Variants in NIBAN1 observed in about 807,000 individuals in gnomAD.
NIBAN1 encodes the protein niban apoptosis regulator 1, also known as protein Niban 1.
NIBAN1 carries 81 observed loss-of-function variants against 75.1 expected under a neutral mutation model. The ratio of observed to expected loss-of-function variants is 1.08; its 90% CI spans 0.90 to 1.30. The LOEUF is 1.30. Ranked by LOEUF, NIBAN1 falls within the 50% of genes most tolerant of loss-of-function variation. NIBAN1 has a pLI of 0.00. For synonymous variants in NIBAN1, 436 were observed against 424.8 expected (o/e 1.03, Z -0.32); for missense variants, 1,133 against 1,128.1 (o/e 1.00, Z -0.06).
intron 5 of NIBAN1, among the ~76,000 whole-genome samples, chr1:184,839,294 CT>C (rs1655218648): frequency 1.3e-5 from 2 of 151,998 alleles, no homozygotes. Context: ...TTTTTAAAAA[CT>C]TTTTATTTTG....
Position 184,894,066 on chromosome 1 carries a change from G to A in NIBAN1, c.318+9C>T, listed in dbSNP as rs372973653. On this transcript the variant is annotated intron_variant, in intron 3 of 13. Transcript: ENST00000367511. Reference sequence around the variant, plus strand: ...TGTAAGAATCAGTAGTAACAAAGAAGTGTCTTACCTCTTTATTCTCATAGC... The same window carrying A: ...TGTAAGAATCAGTAGTAACAAAGAAATGTCTTACCTCTTTATTCTCATAGC... 3.8e-6 allele frequency: 6 copies of A among 1,591,618 alleles called. No homozygotes were observed. The highest frequency in any genetic ancestry group is 2.7e-5 in the African/African-American group (2 of 73,680).
In NIBAN1 at chr1:184,823,310, G is replaced by T; in HGVS notation, c.842C>A (p.Thr281Asn). ...TTCTGAAACTTGATGCTGAACCAGG[G>T]TGTAGGCCTCCTCGAGGAGCTGCAA... ...TWLGLLEEAY[T>N]LVQHQVSEGL... The change falls in exon 8 of 14, where the codon ACC becomes AAC. Residue 281 changes from threonine to asparagine, a missense_variant. Transcript: ENST00000367511. 1.2e-6 allele frequency: 2 copies of T among 1,614,138 alleles called. No homozygotes were observed. The highest frequency in any genetic ancestry group is 1.7e-6 in the Non-Finnish European group (2 of 1,180,018).
chr1:184,890,294 A>G, intron 3 of NIBAN1, 72 bp from the exon 4 acceptor site: 1 of 1,002,302 alleles, frequency 1.0e-6, no homozygotes. Flanking sequence ...CAGGGATATA[A>G]CAAATAGACA....
intron 5 of NIBAN1, among the ~76,000 whole-genome samples, chr1:184,833,573 A>G (rs1039556043): frequency 6.6e-6 from 1 of 152,064 alleles, no homozygotes; most frequent in Non-Finnish European, 1.5e-5. Flanking sequence ...ACGGTGGCAC[A>G]TGCCCATAGT....
intron 6 of NIBAN1, among the ~76,000 whole-genome samples, chr1:184,825,807 A>G (rs1005818198): frequency 6.6e-6 from 1 of 152,248 alleles, no homozygotes; most frequent in Non-Finnish European, 1.5e-5. Flanking sequence ...ACTAAGATTT[A>G]CAAAAGGGGA....
chr1:184,919,568 C>G (rs1218230813), intron 1 of NIBAN1, among the ~76,000 whole-genome samples: 1 of 152,048 alleles, frequency 6.6e-6, no homozygotes, highest in African/African-American at 2.4e-5. Flanking sequence ...AAAACACACT[C>G]AAATTTGCTT....
In NIBAN1 at chr1:184,901,330, T is replaced by A. The variant is rs373905470; in HGVS notation, c.56-2021A>T. 3.2e-4 allele frequency among the ~76,000 whole-genome samples: 48 copies of A among 152,324 alleles called. No individual in the cohort carries two copies. The East Asian group carries it at 5.2e-3, about 17-fold the overall frequency. ...AAGCTCCTATAATTTGAATCAGGCATGCTTTTGCTTGCTCTGTGCATTTAT... is the reference window on the plus strand; with the variant it reads ...AAGCTCCTATAATTTGAATCAGGCAAGCTTTTGCTTGCTCTGTGCATTTAT... On this transcript the variant is annotated intron_variant, in intron 1 of 13. Transcript: ENST00000367511.
chr1:184,879,738 G>C (rs901770568), intron 5 of NIBAN1, among the ~76,000 whole-genome samples: 1 of 152,176 alleles, frequency 6.6e-6, no homozygotes, highest in African/African-American at 2.4e-5. Context: ...ATAAAGGCAT[G>C]GGATTTCTGG....
intron 1 of NIBAN1, among the ~76,000 whole-genome samples, chr1:184,903,035 C>G (rs1213571962): frequency 6.6e-6 from 1 of 152,224 alleles, no homozygotes; most frequent in African/African-American, 2.4e-5. Context: ...TCAGCTGAAA[C>G]TACATTATTC....
At chr1:184,964,321 A>G (rs1345925726) in intron 1 of NIBAN1, among the ~76,000 whole-genome samples, 2 of 152,234 alleles carry the variant, frequency 1.3e-5, no homozygotes, top group African/African-American at 4.8e-5. Flanking sequence ...AAGGCTTAAA[A>G]TCCAAGAACA....
intron 5 of NIBAN1, among the ~76,000 whole-genome samples, chr1:184,858,310 A>G (rs1387283226): frequency 1.3e-5 from 2 of 152,182 alleles, no homozygotes; most frequent in African/African-American, 4.8e-5. Flanking sequence ...AAATGTTCAG[A>G]GTTCTTACAA....
rs1658846934 is a variant in NIBAN1, at chr1:184,968,187, G to A, written c.55+6115C>T. On this transcript the variant is annotated intron_variant, in intron 1 of 13. Coordinates refer to ENST00000367511, the MANE Select transcript of NIBAN1 (RefSeq NM_052966.4). ...CACTGCAGTCCGCAGTCCGGCCTGG[G>A]CGACAGAGCGAGACTCCGTCTCAAA... Among the ~76,000 whole-genome samples the A allele has an allele frequency of 1.5e-5, 2 of 137,706 alleles. 1 individual carries two copies. Among genetic ancestry groups the A allele is most frequent in the Non-Finnish European group, 3.1e-5 (2 of 64,324 alleles). 90.3% of individuals were successfully genotyped at this position (137,706 alleles called of 152,430 possible).
chr1:184,916,934 T>G (rs2102012754), intron 1 of NIBAN1, among the ~76,000 whole-genome samples: 1 of 152,308 alleles, frequency 6.6e-6, no homozygotes, highest in African/African-American at 2.4e-5. Flanking sequence ...TCTCCAGGAC[T>G]CATAGTTGAT....
chr1:184,891,776 C>T (rs1656672809), intron 3 of NIBAN1, among the ~76,000 whole-genome samples: 2 of 152,070 alleles, frequency 1.3e-5, no homozygotes, highest in Non-Finnish European at 2.9e-5. Context: ...TAATAGATGA[C>T]TTACAGGTAC....
Position 184,972,358 on chromosome 1 carries a change from A to G in NIBAN1, c.55+1944T>C, listed in dbSNP as rs77599208. ...TAAAGATAGGGCTATGATTTTACTC[A>G]GGAACCTGGGCTTCAAAACCATCAG... On this transcript the variant is annotated intron_variant, in intron 1 of 13. Transcript: ENST00000367511. Among the ~76,000 whole-genome samples the G allele has an allele frequency of 9.5e-3, 1,443 of 152,372 alleles. 6 individuals carry two copies. Among genetic ancestry groups the G allele is most frequent in the Non-Finnish European group, 0.016 (1,074 of 68,036 alleles).
chr1:184,829,460 T>C (rs529688927), intron 6 of NIBAN1, among the ~76,000 whole-genome samples: 34 of 98,730 alleles, frequency 3.4e-4, no homozygotes, highest in East Asian at 5.1e-4. Flanking sequence ...TAAATACATA[T>C]ATTCTTTTTT....
chr1:184,910,644 T>C (rs1187219589), intron 1 of NIBAN1, among the ~76,000 whole-genome samples: 6 of 152,182 alleles, frequency 3.9e-5, no homozygotes. Flanking sequence ...ATCTTAAATT[T>C]AGGCAAAAAG....
chr1:184,972,627 C>G (rs986196074), intron 1 of NIBAN1, among the ~76,000 whole-genome samples: 1 of 152,368 alleles, frequency 6.6e-6, no homozygotes, highest in Non-Finnish European at 1.5e-5. Context: ...AATGTAATGA[C>G]TGTCACACCA....
intron 1 of NIBAN1, among the ~76,000 whole-genome samples, chr1:184,960,351 C>G (rs1658597422): frequency 1.3e-5 from 2 of 152,222 alleles, no homozygotes; most frequent in Non-Finnish European, 1.5e-5. Flanking sequence ...CTTTCTTATT[C>G]TATTATTGTT....
Sources: allele counts gnomAD v4.1 joint callset (sites outside exome capture counted in the v4.1 genomes callset), GRCh38; gene constraint gnomAD v4.1.1; transcripts MANE v1.5; gene names NCBI Gene and HGNC (gene_info 2026-07-23, HGNC 2026-07-21).